TMEM144: variants seen among roughly 807,000 people sequenced by gnomAD.
TMEM144 encodes transmembrane protein 144.
A neutral mutation model predicts 43.6 loss-of-function variants in TMEM144; 39 were observed. That is an observed-to-expected ratio of 0.90 (90% CI 0.69 to 1.17). The LOEUF (loss-of-function observed/expected upper bound fraction) is 1.17, where lower values mean the gene tolerates loss of function less well. TMEM144 is among the 50% of genes most tolerant of loss of function. The pLI is 0.00. For missense variants in TMEM144, 417 were observed against 411.9 expected, an observed-to-expected ratio of 1.01 and a Z score of -0.11; for synonymous variants, 154 against 133.6, an observed-to-expected ratio of 1.15 and a Z score of -1.06.
chr4:158,226,265 A>C (rs967975223), intron 6 of TMEM144, among the ~76,000 whole-genome samples: 3 of 152,230 alleles, frequency 2.0e-5, no homozygotes, highest in Admixed American at 1.3e-4. Flanking sequence ...ATTTTAATAA[A>C]ATCTTGTAGA....
chr4:158,212,078 G>A (rs1193215991), intron 2 of TMEM144: 1 of 152,204 alleles, frequency 6.6e-6, no homozygotes, highest in Non-Finnish European at 1.5e-5. Context: ...ATTCCAAAGG[G>A]CCAGTGTGCA....
In TMEM144 at chr4:158,237,548, C is replaced by T. The variant is rs752486485; in HGVS notation, c.587C>T (p.Ser196Phe). 6.2e-7 allele frequency: 1 copy of T among 1,613,562 alleles called. No individual in the cohort carries two copies. The highest frequency in any genetic ancestry group is 2.2e-5 in the East Asian group (1 of 44,864). The change falls in exon 9 of 13, where the codon TCT (serine) becomes TTT (phenylalanine). Residue 196 changes from serine (S) to phenylalanine (F), a missense_variant. Coordinates refer to ENST00000296529, the MANE Select transcript of TMEM144 (RefSeq NM_018342.5). Reference sequence around the variant, plus strand: ...AGGGGCTGCAGTCTTGCAGTGATATCTGGAGTACTCTATGGATCTACATTT... The same window carrying T: ...AGGGGCTGCAGTCTTGCAGTGATATTTGGAGTACTCTATGGATCTACATTT... ...RIVGCSLAVISGVLYGSTFVP... is the reference protein window; with the variant it reads ...RIVGCSLAVIFGVLYGSTFVP...
chr4:158,241,753 C>A, intron 11 of TMEM144, 147 bp downstream of exon 11: 1 of 595,596 alleles, frequency 1.7e-6, no homozygotes. Flanking sequence ...TAAACTGACC[C>A]TCTTGAATCT....
chr4:158,219,468 A>C (rs1734405679), intron 6 of TMEM144, 78 bp downstream of exon 6: 1 of 1,354,950 alleles, frequency 7.4e-7, no homozygotes, highest in Admixed American at 1.7e-5. Flanking sequence ...CTATGTTTAC[A>C]TTTTTTAAAC....
At chr4:158,247,435 T>A (rs950707695) in intron 12 of TMEM144, among the ~76,000 whole-genome samples, 3 of 151,944 alleles carry the variant, frequency 2.0e-5, no homozygotes, top group East Asian at 3.9e-4. Flanking sequence ...ATTACATTTT[T>A]AAAAAATGTA....
rs569845903 is a variant in TMEM144, at chr4:158,241,050, A to G, written c.803-459A>G. Among the ~76,000 whole-genome samples, 8 of 152,334 alleles carry G rather than the reference A, an allele frequency of 5.3e-5. No individual in the cohort carries two copies. The South Asian group carries it at 1.7e-3, about 32-fold the overall frequency. On this transcript the variant is annotated intron_variant, in intron 10 of 12. Coordinates refer to ENST00000296529, the MANE Select transcript of TMEM144 (RefSeq NM_018342.5). ...TATGCTAAAGAATGCCACCGTGTAG[A>G]AAATGCTAGAATACTGAATGCCTAG...
At position 158,253,913 on chromosome 4, in the gene TMEM144, T is replaced by G. The variant is rs1176013623; in HGVS notation, c.*386T>G. 6.4e-6 allele frequency: 1 copy of G among 155,832 alleles called. No homozygotes were observed. Among genetic ancestry groups the G allele is most frequent in the Non-Finnish European group, 1.4e-5 (1 of 70,468 alleles). The allele number at this position is 155,832 out of a possible 1,614,324, so 9.7% of individuals were successfully genotyped here. On this transcript the variant is annotated 3_prime_UTR_variant, in exon 13 of 13. Coordinates refer to ENST00000296529, the MANE Select transcript of TMEM144 (RefSeq NM_018342.5). ...CCATATTTCTCACCTATTACCCCAGTGAAGTGAGGCAGAAATACCTTGGGC... is the reference window on the plus strand; with the variant it reads ...CCATATTTCTCACCTATTACCCCAGGGAAGTGAGGCAGAAATACCTTGGGC...
At chr4:158,232,157 G>C (rs1406688722) in intron 6 of TMEM144, among the ~76,000 whole-genome samples, 3 of 152,174 alleles carry the variant, frequency 2.0e-5, no homozygotes, top group Non-Finnish European at 4.4e-5. Flanking sequence ...TGGCTTAAAA[G>C]CCAAGAGTAA....
rs1266826906 is a variant in TMEM144, at chr4:158,212,678, A to G, written c.11A>G (p.Asn4Ser). The G allele has an allele frequency of 2.5e-6, 4 of 1,611,176 alleles. No homozygotes were observed. The highest frequency in any genetic ancestry group is 2.2e-5 in the South Asian group (2 of 89,908). The change falls in exon 3 of 13, where the codon AAT (asparagine) becomes AGT (serine). Residue 4 changes from asparagine to serine, a missense_variant. Coordinates refer to ENST00000296529, the MANE Select transcript of TMEM144 (RefSeq NM_018342.5). Reference sequence around the variant, plus strand: ...ATTAAGACTGGAATCATGAGCAACAATGGAGCAGACCTAACCTTTGGTTAC... The same window carrying G: ...ATTAAGACTGGAATCATGAGCAACAGTGGAGCAGACCTAACCTTTGGTTAC... MSN[N>S]GADLTFGYIS...
At chr4:158,241,674 C>A in intron 11 of TMEM144, 68 bp downstream of exon 11, 1 of 1,242,156 alleles carries the variant, frequency 8.1e-7, no homozygotes, top group Non-Finnish European at 1.2e-6. Flanking sequence ...CTGAAGCACT[C>A]TTAGGGCATC....
At chr4:158,227,646 C>T (rs1418755656) in intron 6 of TMEM144, among the ~76,000 whole-genome samples, 1 of 152,058 alleles carries the variant, frequency 6.6e-6, no homozygotes, top group Non-Finnish European at 1.5e-5. Context: ...GTTCTCTCAA[C>T]CACTGTGGAG....
At chr4:158,244,068 A>T (rs1288822156) in intron 11 of TMEM144, among the ~76,000 whole-genome samples, 1 of 152,186 alleles carries the variant, frequency 6.6e-6, no homozygotes, top group East Asian at 1.9e-4. Context: ...ATATTATAGC[A>T]TCATCAAAAT....
chr4:158,221,046 A>G (rs1734483215), intron 6 of TMEM144, among the ~76,000 whole-genome samples: 2 of 152,114 alleles, frequency 1.3e-5, no homozygotes, highest in South Asian at 2.1e-4. Flanking sequence ...CGTTTAGGAT[A>G]TTGCTTTTCT....
chr4:158,234,694 C>G (rs1354623729), intron 7 of TMEM144: 1 of 152,172 alleles, frequency 6.6e-6, no homozygotes, highest in Non-Finnish European at 1.5e-5. Flanking sequence ...ATCACTAAGA[C>G]AGCTACTAAG....
chr4:158,226,928 TAAAGCG>T (rs1485822427), intron 6 of TMEM144, among the ~76,000 whole-genome samples: 1 of 152,150 alleles, frequency 6.6e-6, no homozygotes, highest in Non-Finnish European at 1.5e-5. Context: ...CTATTCTTTC[TAAAGCG>T]AACTTCTTTT....
intron 12 of TMEM144, among the ~76,000 whole-genome samples, chr4:158,249,933 T>TGTGTGTGTGTGTG (rs70958884): frequency 8.3e-4 from 113 of 136,028 alleles, no homozygotes; most frequent in Non-Finnish European, 1.1e-3. Context: ...TGTGTGTGTG[T>TGTGTGTGTGTGTG]TTAAATAAGC....
chr4:158,241,669 G>A (rs1735647586), intron 11 of TMEM144, 63 bp downstream of exon 11: 2 of 1,324,512 alleles, frequency 1.5e-6, no homozygotes, highest in Non-Finnish European at 1.1e-6. Context: ...TTTTTCTGAA[G>A]CACTCTTAGG....
At chr4:158,245,768 CA>C (rs1463681221) in intron 12 of TMEM144, among the ~76,000 whole-genome samples, 2 of 151,882 alleles carry the variant, frequency 1.3e-5, no homozygotes. Flanking sequence ...TCTACAAAAA[CA>C]ATTTAAAAAT....
intron 12 of TMEM144, among the ~76,000 whole-genome samples, chr4:158,252,338 C>A (rs1179101710): frequency 6.6e-6 from 1 of 152,104 alleles, no homozygotes; most frequent in Non-Finnish European, 1.5e-5. Context: ...TCTTCCTCAC[C>A]CTTCAGATCC....
Sources: allele counts gnomAD v4.1 joint callset (sites outside exome capture counted in the v4.1 genomes callset), GRCh38; gene constraint gnomAD v4.1.1; transcripts MANE v1.5; gene names NCBI Gene and HGNC (gene_info 2026-07-23, HGNC 2026-07-21).